Variants in MAPK10 observed in about 807,000 individuals in gnomAD.
MAPK10 encodes the protein JNK3 alpha protein kinase.
A neutral mutation model predicts 59.3 loss-of-function variants in MAPK10; 25 were observed. The ratio of observed to expected loss-of-function variants is 0.42; its 90% CI spans 0.31 to 0.59. The LOEUF (loss-of-function observed/expected upper bound fraction) is 0.59, where lower values mean the gene tolerates loss of function less well. Among genes scored for constraint, MAPK10 ranks in the 20% least tolerant of loss-of-function variants. The pLI is 0.15. For missense variants in MAPK10, 351 were observed against 568.9 expected (o/e 0.62, Z 3.90); for synonymous variants, 190 against 200.5 (o/e 0.95, Z 0.44).
intron 9 of MAPK10, among the ~76,000 whole-genome samples, chr4:86,093,443 T>A (rs1320327004): frequency 6.6e-6 from 1 of 151,920 alleles, no homozygotes; most frequent in Non-Finnish European, 1.5e-5. Flanking sequence ...TTTATAAAAA[T>A]TATAAGTTAT....
At chr4:86,131,621 T>C (rs971063358) in intron 4 of MAPK10, among the ~76,000 whole-genome samples, 3 of 152,198 alleles carry the variant, frequency 2.0e-5, no homozygotes, top group African/African-American at 7.2e-5. Context: ...TATGATTGAA[T>C]TACTGGCAGC....
intron 2 of MAPK10, among the ~76,000 whole-genome samples, chr4:86,317,272 A>G (rs1403318389): frequency 2.0e-5 from 3 of 152,038 alleles, no homozygotes; most frequent in Non-Finnish European, 2.9e-5. Context: ...TCAAAACTCC[A>G]ATTAGATCAG....
Position 86,345,027 on chromosome 4 carries a change from C to T in MAPK10, c.-7+9503G>A, listed in dbSNP as rs192016390. ...ACTATCTTCCTTATGTTTAGCACAT[C>T]TTTAATAATTAGAAGTGACTTCCTA... On this transcript the variant is annotated intron_variant, in intron 2 of 13. Transcript: ENST00000641462. 1.4e-3 allele frequency among the ~76,000 whole-genome samples: 207 copies of T among 152,236 alleles called. 4 individuals carry two copies. In the South Asian group the frequency reaches 0.017, roughly 13 times the overall value.
chr4:86,511,063 G>C (rs1756195250), intron 1 of MAPK10, among the ~76,000 whole-genome samples: 2 of 152,200 alleles, frequency 1.3e-5, no homozygotes, highest in African/African-American at 2.4e-5. Flanking sequence ...AACAAAAGAT[G>C]AATGTTTGAG....
chr4:86,191,998 T>C (rs577794703), intron 3 of MAPK10: 4 of 152,324 alleles, frequency 2.6e-5, no homozygotes, highest in East Asian at 3.9e-4. Context: ...TTTGCTTGTC[T>C]GTAAAGAATT....
At chr4:86,313,480 A>T (rs2095712411) in intron 2 of MAPK10, among the ~76,000 whole-genome samples, 1 of 152,126 alleles carries the variant, frequency 6.6e-6, no homozygotes, top group Non-Finnish European at 1.5e-5. Context: ...AAATCTACCT[A>T]TTCAACAGAG....
At chr4:86,581,917 A>ATATATATATATAT (rs1565075406) in intron 1 of MAPK10, among the ~76,000 whole-genome samples, 8 of 59,116 alleles carry the variant, frequency 1.4e-4, no homozygotes, top group African/African-American at 3.0e-4. Context: ...ATATATATAT[A>ATATATATATATAT]TATATATATA....
intron 2 of MAPK10, among the ~76,000 whole-genome samples, chr4:86,306,090 T>G (rs1277969488): frequency 1.3e-5 from 2 of 152,214 alleles, no homozygotes; most frequent in African/African-American, 4.8e-5. Context: ...CTTCTATTTA[T>G]GATCATTATA....
At chr4:86,054,890 G>A (rs1030679611) in intron 11 of MAPK10, among the ~76,000 whole-genome samples, 5 of 152,214 alleles carry the variant, frequency 3.3e-5, no homozygotes, top group South Asian at 2.1e-4. Flanking sequence ...AGGACAGATG[G>A]AGAGAACAGC....
intron 9 of MAPK10, among the ~76,000 whole-genome samples, chr4:86,088,516 T>A (rs2052426382): frequency 6.6e-6 from 1 of 152,110 alleles, no homozygotes; most frequent in Admixed American, 6.6e-5. Context: ...TATTTGCTGC[T>A]TAAGAGAGAA....
At chr4:86,175,805 A>C (rs1299083744) in intron 3 of MAPK10, among the ~76,000 whole-genome samples, 1 of 152,186 alleles carries the variant, frequency 6.6e-6, no homozygotes, top group African/African-American at 2.4e-5. Context: ...TAATACATGA[A>C]GCATATCCTT....
rs545495669 is a variant in MAPK10 at position 86,030,345 on chromosome 4, G to T, written c.1174+1023C>A. On this transcript the variant is annotated intron_variant, in intron 12 of 13. Transcript: ENST00000641462. Reference sequence around the variant, plus strand: ...ATTTTTTATTTTACATATATATATAGAGAGAGGCAGAGACTTTCTCTGTCA... The same window carrying T: ...ATTTTTTATTTTACATATATATATATAGAGAGGCAGAGACTTTCTCTGTCA... 2.0e-4 allele frequency among the ~76,000 whole-genome samples: 30 copies of T among 151,480 alleles called. No individual in the cohort carries two copies. In the South Asian group the frequency reaches 4.4e-3, roughly 22 times the overall value.
At chr4:86,216,318 A>C in intron 2 of MAPK10, among the ~76,000 whole-genome samples, 1 of 145,676 alleles carries the variant, frequency 6.9e-6, no homozygotes, top group Non-Finnish European at 1.5e-5. Context: ...ATATATATAT[A>C]GCCACATATA....
At chr4:86,554,627 A>C (rs1565035149) in intron 1 of MAPK10, among the ~76,000 whole-genome samples, 1 of 152,182 alleles carries the variant, frequency 6.6e-6, no homozygotes, top group African/African-American at 2.4e-5. Flanking sequence ...TCAGGCTCTT[A>C]CGATTTCTGT....
chr4:86,469,408 T>G (rs1279287426), intron 1 of MAPK10, among the ~76,000 whole-genome samples: 1 of 152,206 alleles, frequency 6.6e-6, no homozygotes, highest in Non-Finnish European at 1.5e-5. Context: ...GCCCAGACAT[T>G]ATCTGTATGC....
chr4:86,553,810 A>G (rs1760044517), intron 1 of MAPK10, among the ~76,000 whole-genome samples: 1 of 152,048 alleles, frequency 6.6e-6, no homozygotes, highest in Non-Finnish European at 1.5e-5. Context: ...CCAGGATGTC[A>G]TCTACCCCTT....
At chr4:86,025,976 G>T (rs1282864509) in intron 13 of MAPK10, among the ~76,000 whole-genome samples, 2 of 152,164 alleles carry the variant, frequency 1.3e-5, no homozygotes, top group Non-Finnish European at 2.9e-5. Flanking sequence ...GCCACAATTT[G>T]TCTGGGCCTG....
chr4:86,460,753 T>A (rs1386124451), intron 1 of MAPK10, among the ~76,000 whole-genome samples: 3 of 152,270 alleles, frequency 2.0e-5, no homozygotes, highest in Non-Finnish European at 2.9e-5. Context: ...TAAGGACATG[T>A]TCCTGCTGCA....
upstream of MAPK10, among the ~76,000 whole-genome samples, chr4:86,363,372 TGAGGGACA>T (rs2148986550): frequency 6.6e-6 from 1 of 152,274 alleles, no homozygotes; most frequent in Non-Finnish European, 1.5e-5. Context: ...CTGAGAGTAC[TGAGGGACA>T]ACTGCATTTG....
Sources: gnomAD v4.1 joint callset for allele counts (sites outside exome capture counted in the v4.1 genomes callset) on GRCh38, gnomAD v4.1.1 for gene constraint, MANE v1.5 for transcripts, NCBI Gene and HGNC (gene_info 2026-07-23, HGNC 2026-07-21) for gene names.